The following TCF7L1 variants were observed in gnomAD, a reference collection of about 807,000 sequenced individuals.
The protein encoded by TCF7L1 is transcription factor 7-like 1.
A neutral mutation model predicts 63.7 loss-of-function variants in TCF7L1; 18 were observed. That is an observed-to-expected ratio of 0.28 (90% CI 0.20 to 0.42). The LOEUF (loss-of-function observed/expected upper bound fraction) is 0.42, where lower values mean the gene tolerates loss of function less well. TCF7L1 is among the 10% of genes least tolerant of loss of function. The pLI is 1.00. For synonymous variants in TCF7L1, 355 were observed against 340.9 expected, an observed-to-expected ratio of 1.04 and a Z score of -0.46; for missense variants, 654 against 779.3, an observed-to-expected ratio of 0.84 and a Z score of 1.91.
chr2:85,205,904 A>ATG (rs958635269), intron 3 of TCF7L1, among the ~76,000 whole-genome samples: 2 of 152,230 alleles, frequency 1.3e-5, no homozygotes, highest in Non-Finnish European at 2.9e-5. Flanking sequence ...GAAAAATTGA[A>ATG]TGTTACCACT....
At chr2:85,187,216 C>T (rs1337123140) in intron 3 of TCF7L1, 2 of 152,194 alleles carry the variant, frequency 1.3e-5, no homozygotes, top group Non-Finnish European at 2.9e-5. Flanking sequence ...CTAAAGAAGA[C>T]CTGATACTCT....
chr2:85,250,793 G>A (rs956919333), intron 3 of TCF7L1, among the ~76,000 whole-genome samples: 2 of 152,098 alleles, frequency 1.3e-5, no homozygotes, highest in Admixed American at 6.6e-5. Flanking sequence ...TTTGTGTTTC[G>A]TGTATGTTAA....
At chr2:85,224,998 G>A (rs1450715463) in intron 3 of TCF7L1, among the ~76,000 whole-genome samples, 1 of 152,102 alleles carries the variant, frequency 6.6e-6, no homozygotes, top group East Asian at 1.9e-4. Context: ...TTCTACATAT[G>A]GCTAGCCAGT....
chr2:85,222,982 G>A (rs1392176477), intron 3 of TCF7L1, among the ~76,000 whole-genome samples: 1 of 152,198 alleles, frequency 6.6e-6, no homozygotes, highest in African/African-American at 2.4e-5. Flanking sequence ...GGGGATGGAT[G>A]AATGGAGACG....
At chr2:85,146,439 G>C (rs1382933508) in intron 3 of TCF7L1, among the ~76,000 whole-genome samples, 1 of 151,666 alleles carries the variant, frequency 6.6e-6, no homozygotes, top group African/African-American at 2.4e-5. Context: ...AGTAAAAGAT[G>C]AGTAACATCC....
intron 3 of TCF7L1, among the ~76,000 whole-genome samples, chr2:85,150,008 C>T (rs1449111468): frequency 2.6e-5 from 4 of 152,090 alleles, no homozygotes; most frequent in Non-Finnish European, 4.4e-5. Flanking sequence ...TTACTGAAAT[C>T]GGGAAATTAA....
chr2:85,244,120 G>A (rs578016862), intron 3 of TCF7L1, among the ~76,000 whole-genome samples: 32 of 152,266 alleles, frequency 2.1e-4, no homozygotes, highest in African/African-American at 6.5e-4. Context: ...AGGGGATGGC[G>A]CTTGGTAGGT....
rs563153471 is a variant in TCF7L1 at position 85,299,860 on chromosome 2, A to AAAACACACACACACACACACACACACAC, written c.526-2623_526-2622insAACACACACACACACACACACACACACA. 4.3e-5 allele frequency among the ~76,000 whole-genome samples: 4 copies of AAAACACACACACACACACACACACACAC among 92,706 alleles called. 2 individuals are homozygous for AAAACACACACACACACACACACACACAC. In the East Asian group the frequency reaches 2.3e-3, roughly 53 times the overall value. 60.8% of individuals were successfully genotyped at this position (92,706 alleles called of 152,430 possible). On this transcript the variant is annotated intron_variant, in intron 4 of 11. Coordinates refer to ENST00000282111, the MANE Select transcript of TCF7L1 (RefSeq NM_031283.3). ...GGCAACAGAGCGAGACCTTGTCTCA[A>AAAACACACACACACACACACACACACAC]ACACACACACACACACACACACACA...
At chr2:85,239,759 A>G (rs1017852397) in intron 3 of TCF7L1, among the ~76,000 whole-genome samples, 4 of 152,092 alleles carry the variant, frequency 2.6e-5, no homozygotes, top group African/African-American at 7.2e-5. Flanking sequence ...CTTGACCAAC[A>G]TGATGAAACC....
chr2:85,309,963 T>C lies in TCF7L1; in HGVS notation c.*501T>C, dbSNP rs190587651. ...GAGGCCATCACCATGTGAGAAGACA[T>C]CTTGGCCTGATTTGCTGCCACCAGC... On this transcript the variant is annotated 3_prime_UTR_variant, in exon 12 of 12. Transcript: ENST00000282111. 1 of 153,424 alleles carries C rather than the reference T, an allele frequency of 6.5e-6. No individual in the cohort carries two copies. The highest frequency in any genetic ancestry group is 1.9e-4 in the East Asian group (1 of 5,210). The allele number at this position is 153,424 out of a possible 1,614,324, so 9.5% of individuals were successfully genotyped here.
At chr2:85,167,993 T>C (rs144701307) in intron 3 of TCF7L1, among the ~76,000 whole-genome samples, 184 of 152,190 alleles carry the variant, frequency 1.2e-3, no homozygotes, top group African/African-American at 4.3e-3. Flanking sequence ...GTATGTGGGA[T>C]CGAAAATAGT....
chr2:85,252,640 A>G (rs966375417), intron 3 of TCF7L1, among the ~76,000 whole-genome samples: 2 of 152,226 alleles, frequency 1.3e-5, no homozygotes, highest in African/African-American at 2.4e-5. Context: ...TCTACAGCCC[A>G]TTTCCAAAGA....
At chr2:85,169,494 C>A (rs1466514196) in intron 3 of TCF7L1, among the ~76,000 whole-genome samples, 1 of 151,750 alleles carries the variant, frequency 6.6e-6, no homozygotes, top group Non-Finnish European at 1.5e-5. Context: ...CCAAAGTGCA[C>A]ATTTTCTCAT....
intron 3 of TCF7L1, among the ~76,000 whole-genome samples, chr2:85,160,594 G>C (rs1678262026): frequency 6.6e-6 from 1 of 152,082 alleles, no homozygotes. Context: ...GCTCACACCT[G>C]TAATCCTAGC....
At chr2:85,281,163 A>T (rs1681410419) in intron 3 of TCF7L1, among the ~76,000 whole-genome samples, 1 of 151,980 alleles carries the variant, frequency 6.6e-6, no homozygotes, top group Non-Finnish European at 1.5e-5. Context: ...AGGTGGGACT[A>T]CAGGCACACG....
intron 3 of TCF7L1, among the ~76,000 whole-genome samples, chr2:85,182,606 G>A (rs1678830179): frequency 6.6e-6 from 1 of 152,204 alleles, no homozygotes; most frequent in Admixed American, 6.5e-5. Flanking sequence ...AACCCCAGGT[G>A]GGAAATGGCC....
intron 3 of TCF7L1, among the ~76,000 whole-genome samples, chr2:85,168,624 G>T (rs922372906): frequency 6.6e-6 from 1 of 151,162 alleles, no homozygotes; most frequent in African/African-American, 2.4e-5. Flanking sequence ...CTGTAAATAC[G>T]ACTTTTTTTT....
Position 85,144,719 on chromosome 2 carries a change from C to CTGTGTG in TCF7L1, c.441+10295_441+10300dup, listed in dbSNP as rs772295408. On this transcript the variant is annotated intron_variant, in intron 3 of 11. Transcript: ENST00000282111. The stretch of plus-strand genomic sequence containing the variant: ...CCCATCCCCCTTTCTCTCTCTCTCT[C>CTGTGTG]TGTGTGTGTGTGTGTGTGTGTGTGT... Among the ~76,000 whole-genome samples, 150 of 140,544 alleles carry CTGTGTG rather than the reference C, an allele frequency of 1.1e-3. 1 individual carries two copies. Among genetic ancestry groups the CTGTGTG allele is most frequent in the Non-Finnish European group, 1.3e-3 (88 of 65,234 alleles). 92.2% of individuals were successfully genotyped at this position (140,544 alleles called of 152,430 possible). A position where few individuals can be genotyped will look rare whatever the true frequency, so the allele number is the denominator to read the frequency against.
intron 4 of TCF7L1, among the ~76,000 whole-genome samples, chr2:85,292,549 G>A (rs1681752290): frequency 3.3e-5 from 5 of 152,176 alleles, no homozygotes; most frequent in Admixed American, 3.3e-4. Context: ...AAATATTTTT[G>A]TAGACTTTAT....
Sources: gnomAD v4.1 joint callset for allele counts (sites outside exome capture counted in the v4.1 genomes callset) on GRCh38, gnomAD v4.1.1 for gene constraint, MANE v1.5 for transcripts, NCBI Gene and HGNC (gene_info 2026-07-23, HGNC 2026-07-21) for gene names.